The following NCOR1 variants were observed in gnomAD, a reference collection of about 807,000 sequenced individuals.
NCOR1 encodes protein phosphatase 1, regulatory subunit 109.
In NCOR1, 63 loss-of-function variants were observed where a neutral mutation model predicts 288.1. The observed-to-expected ratio is 0.22, with a 90% confidence interval of 0.18 to 0.27. The LOEUF (loss-of-function observed/expected upper bound fraction) is 0.27. Ranked by LOEUF, NCOR1 falls within the 10% of genes least tolerant of loss-of-function variation. The pLI, the probability that NCOR1 is intolerant of heterozygous loss-of-function variation, is 1.00. For missense variants in NCOR1, 2,397 were observed against 3,019.2 expected (o/e 0.79, Z 4.83); for synonymous variants, 1,007 against 1,065.9 (o/e 0.94, Z 1.08).
chr17:16,073,347 T>C, intron 28 of NCOR1, 82 bp downstream of exon 28: 4 of 1,262,906 alleles, frequency 3.2e-6, no homozygotes, highest in Non-Finnish European at 4.2e-6. Flanking sequence ...TGACAGAAAT[T>C]GCATACAACT....
At chr17:16,165,882 A>G (rs573585705) in intron 4 of NCOR1, among the ~76,000 whole-genome samples, 1 of 152,302 alleles carries the variant, frequency 6.6e-6, no homozygotes, top group East Asian at 1.9e-4. Flanking sequence ...GACATAAGCA[A>G]TATTATAAAA....
rs767249623 is a variant in NCOR1 at position 16,030,641 on chromosome 17, T to G, written c.*1655A>C. On this transcript the variant is annotated 3_prime_UTR_variant, in exon 46 of 46. Transcript: ENST00000268712. ...GGAATGCTGACCACTAAGCCTGATC[T>G]AAAGTTTATGTTGGGGACCTCAGGT... 57 of 181,344 alleles carry G rather than the reference T, an allele frequency of 3.1e-4. No homozygotes were observed. The highest frequency in any genetic ancestry group is 5.1e-4 in the Non-Finnish European group (43 of 85,058). 11.2% of individuals were successfully genotyped at this position (181,344 alleles called of 1,614,324 possible). A position where few individuals can be genotyped will look rare whatever the true frequency, so the allele number is the denominator to read the frequency against.
At chr17:16,148,308 T>G (rs2078304000) in intron 9 of NCOR1, among the ~76,000 whole-genome samples, 1 of 152,128 alleles carries the variant, frequency 6.6e-6, no homozygotes, top group Non-Finnish European at 1.5e-5. Flanking sequence ...AGAATTGGTT[T>G]TCCCCTGAAA....
intron 7 of NCOR1, among the ~76,000 whole-genome samples, chr17:16,152,208 GGTTT>G (rs552069888): frequency 3.3e-5 from 5 of 152,232 alleles, no homozygotes; most frequent in African/African-American, 1.2e-4. Context: ...ACAACGTGCA[GGTTT>G]GTTACATATG....
At chr17:16,111,615 A>C (rs1417747883) in intron 18 of NCOR1, among the ~76,000 whole-genome samples, 1 of 151,668 alleles carries the variant, frequency 6.6e-6, no homozygotes, top group Non-Finnish European at 1.5e-5. Context: ...AAATAAAATT[A>C]AATAAAAATT....
rs1293283070 is a variant in NCOR1 at position 16,071,616 on chromosome 17, G to C, written c.3945C>G (p.Pro1315=). The C allele has an allele frequency of 6.2e-7, 1 of 1,613,928 alleles. No individual in the cohort carries two copies. The highest frequency in any genetic ancestry group is 1.3e-5 in the African/African-American group (1 of 74,980). ...TESFEDGLKY[P]KQIKRESPPI... is the part of the protein sequence containing the mutation. ...GAGGACTTTCCCTTTTAATTTGTTT[G>C]GGATATTTAAGGCCATCTTCAAAGC... The change falls in exon 30 of 46, where the codon CCC becomes CCG. Residue 1315 remains proline (P), a synonymous_variant. Coordinates refer to ENST00000268712, the MANE Select transcript of NCOR1 (RefSeq NM_006311.4).
chr17:16,119,612 C>G (rs1373771960), intron 16 of NCOR1, 127 bp from the exon 17 acceptor site: 1 of 566,956 alleles, frequency 1.8e-6, no homozygotes, highest in African/African-American at 1.9e-5. Flanking sequence ...GTGAAAGAAA[C>G]TGCAGAAATA....
chr17:16,207,013 C>T (rs941429261), intron 1 of NCOR1, among the ~76,000 whole-genome samples: 2 of 152,084 alleles, frequency 1.3e-5, no homozygotes, highest in Non-Finnish European at 2.9e-5. Context: ...TATAAAGTAA[C>T]TTCTTCCTCC....
chr17:16,157,714 C>T (rs2080046818), intron 6 of NCOR1, among the ~76,000 whole-genome samples: 1 of 150,902 alleles, frequency 6.6e-6, no homozygotes, highest in Middle Eastern at 3.4e-3. Flanking sequence ...CAGTATAAAG[C>T]ATATTATCAT....
Position 16,199,216 on chromosome 17 carries a change from A to AAC in NCOR1, c.-70-4579_-70-4578dup, listed in dbSNP as rs148297225. 3.8e-3 allele frequency among the ~76,000 whole-genome samples: 459 copies of AAC among 122,160 alleles called. 1 individual carries two copies. The highest frequency in any genetic ancestry group is 6.2e-3 in the African/African-American group (190 of 30,662). 80.1% of individuals were successfully genotyped at this position (122,160 alleles called of 152,430 possible). A position where few individuals can be genotyped will look rare whatever the true frequency, so the allele number is the denominator to read the frequency against. ...CCCAATACAGAAGGAAAAAAAAAAA[A>AAC]ACACACACACACACACACACACACA... On this transcript the variant is annotated intron_variant, in intron 1 of 45. Coordinates refer to ENST00000268712, the MANE Select transcript of NCOR1 (RefSeq NM_006311.4).
intron 1 of NCOR1, among the ~76,000 whole-genome samples, chr17:16,203,860 A>C (rs755329946): frequency 6.6e-6 from 1 of 152,220 alleles, no homozygotes; most frequent in Non-Finnish European, 1.5e-5. Context: ...AAGTATATAA[A>C]GATGTCAATT....
intron 19 of NCOR1, among the ~76,000 whole-genome samples, chr17:16,106,881 A>C (rs201931375): frequency 4.3e-4 from 19 of 44,684 alleles, no homozygotes; most frequent in Non-Finnish European, 1.5e-4. Flanking sequence ...ATATATATAT[A>C]TATTTTTTTT....
At chr17:16,194,268 A>T (rs1471672702) in intron 2 of NCOR1, among the ~76,000 whole-genome samples, 194 bp downstream of exon 2, 1 of 130,112 alleles carries the variant, frequency 7.7e-6, no homozygotes, top group African/African-American at 3.0e-5. Context: ...TCAACTCCTG[A>T]AATCAGCATA....
At chr17:16,193,703 C>A (rs74389341) in intron 2 of NCOR1, among the ~76,000 whole-genome samples, 2 of 152,118 alleles carry the variant, frequency 1.3e-5, no homozygotes, top group Admixed American at 1.3e-4. Flanking sequence ...TCAACAAAAA[C>A]GTGCAACTAA....
chr17:16,052,260 G>A (rs933678221), intron 40 of NCOR1, among the ~76,000 whole-genome samples: 2 of 151,466 alleles, frequency 1.3e-5, no homozygotes, highest in African/African-American at 2.4e-5. Context: ...TCCTGACCTC[G>A]TGATCTGCCT....
At chr17:16,119,285 T>TAA in intron 17 of NCOR1, 138 bp downstream of exon 17, 1 of 560,850 alleles carries the variant, frequency 1.8e-6, no homozygotes, top group Non-Finnish European at 3.1e-6. Context: ...AAAGAACTCT[T>TAA]AAAGTCACTT....
chr17:16,124,931 A>G (rs2073735246), intron 15 of NCOR1, among the ~76,000 whole-genome samples: 1 of 152,254 alleles, frequency 6.6e-6, no homozygotes, highest in Non-Finnish European at 1.5e-5. Context: ...GGAGGAAAGT[A>G]TATATTACTA....
chr17:16,200,121 T>C (rs1156473477), intron 1 of NCOR1, among the ~76,000 whole-genome samples: 2 of 152,160 alleles, frequency 1.3e-5, no homozygotes, highest in Non-Finnish European at 2.9e-5. Flanking sequence ...TCCTGGCTTT[T>C]GGCCCACAAT....
In NCOR1 at chr17:16,030,204, C is replaced by T. The variant is rs1316687250; in HGVS notation, c.*2092G>A. The T allele has an allele frequency of 8.8e-6, 2 of 226,374 alleles. No individual in the cohort carries two copies. Among genetic ancestry groups the T allele is most frequent in the Admixed American group, 5.8e-5 (1 of 17,358 alleles). 14.0% of individuals were successfully genotyped at this position (226,374 alleles called of 1,614,324 possible). A position where few individuals can be genotyped will look rare whatever the true frequency, so the allele number is the denominator to read the frequency against. The stretch of plus-strand genomic sequence containing the variant: ...AGGAAGAGAAAATATATTTACTATT[C>T]ATTAAGTGGAAGTGGATCATCATGA... On this transcript the variant is annotated 3_prime_UTR_variant, in exon 46 of 46. Transcript: ENST00000268712.
Sources: gnomAD v4.1 joint callset for allele counts (sites outside exome capture counted in the v4.1 genomes callset) on GRCh38, gnomAD v4.1.1 for gene constraint, MANE v1.5 for transcripts, NCBI Gene and HGNC (gene_info 2026-07-23, HGNC 2026-07-21) for gene names.